Variants in LGALS8 observed in about 807,000 individuals in gnomAD.
LGALS8 encodes the protein galectin 8.
LGALS8 carries 30 observed loss-of-function variants against 35.9 expected under a neutral mutation model. The ratio of observed to expected loss-of-function variants is 0.83; its 90% CI spans 0.62 to 1.13. The LOEUF is 1.13. Ranked by LOEUF, LGALS8 falls within the 50% of genes most tolerant of loss-of-function variation. The pLI is 0.00. For synonymous variants in LGALS8, 138 were observed against 136.1 expected, an observed-to-expected ratio of 1.01 and a Z score of -0.10; for missense variants, 366 against 388.7, an observed-to-expected ratio of 0.94 and a Z score of 0.49.
Position 236,543,703 on chromosome 1 carries a change from C to T in LGALS8, c.638+55C>T. The T allele has an allele frequency of 2.3e-6, 3 of 1,292,646 alleles. 1 individual carries two copies. Among genetic ancestry groups the T allele is most frequent in the Non-Finnish European group, 3.4e-6 (3 of 888,462 alleles). 80.1% of individuals were successfully genotyped at this position (1,292,646 alleles called of 1,614,324 possible). A position where few individuals can be genotyped will look rare whatever the true frequency, so the allele number is the denominator to read the frequency against. On this transcript the variant is annotated intron_variant, in intron 8 of 9. Transcript: ENST00000366584. ...CAGATACTTCCGTGCCTGTTACCGC[C>T]TTCCACCCGTGAACGGTCCTGTGAG...
upstream of LGALS8, among the ~76,000 whole-genome samples, chr1:236,522,544 A>G (rs969765910): frequency 2.6e-5 from 4 of 152,218 alleles, no homozygotes; most frequent in African/African-American, 9.6e-5. Context: ...CCTGTCTCAA[A>G]GTGGCGGGGC....
chr1:236,546,438 CT>C (rs1237000100), intron 9 of LGALS8, among the ~76,000 whole-genome samples: 1 of 152,174 alleles, frequency 6.6e-6, no homozygotes, highest in Non-Finnish European at 1.5e-5. Flanking sequence ...CATTTTAAAT[CT>C]TCTTGCTCTT....
In LGALS8 at chr1:236,549,239, A is replaced by G. The variant is rs927131280; in HGVS notation, c.*1078A>G. The G allele has an allele frequency of 1.4e-5, 5 of 359,210 alleles. No individual in the cohort carries two copies. Among genetic ancestry groups the G allele is most frequent in the Admixed American group, 9.3e-5 (2 of 21,480 alleles). The allele number at this position is 359,210 out of a possible 1,614,324, so 22.3% of individuals were successfully genotyped here. A position where few individuals can be genotyped will look rare whatever the true frequency, so the allele number is the denominator to read the frequency against. On this transcript the variant is annotated 3_prime_UTR_variant, in exon 10 of 10. Coordinates refer to ENST00000366584, the MANE Select transcript of LGALS8 (RefSeq NM_201544.4). ...TCAAAGCACTCTTCCACTTTACGTG[A>G]TTAAAATCAAACCTGTATCAGCAAG...
At chr1:236,544,131 T>C (rs938891851) in intron 8 of LGALS8, among the ~76,000 whole-genome samples, 1 of 152,000 alleles carries the variant, frequency 6.6e-6, no homozygotes, top group African/African-American at 2.4e-5. Flanking sequence ...TTTTGTATTT[T>C]TAGTAGAGAC....
At chr1:236,519,651 A>G (rs1280718043), upstream of LGALS8, among the ~76,000 whole-genome samples, 1 of 152,222 alleles carries the variant, frequency 6.6e-6, no homozygotes, top group Non-Finnish European at 1.5e-5. Flanking sequence ...GATCATTCAC[A>G]TGAGTAAAGT....
chr1:236,547,967 T>TTAAAC lies in LGALS8; in HGVS notation c.805-41_805-37dup, dbSNP rs754904201. On this transcript the variant is annotated intron_variant, in intron 9 of 9. Transcript: ENST00000366584. ...GTTAGCATGTAACAAACACAAAATT[T>TTAAAC]TAAACTAAGGGGAACCACTAATGGC... 4 of 1,562,606 alleles carry TTAAAC rather than the reference T, an allele frequency of 2.6e-6. No individual in the cohort carries two copies. The African/African-American group carries it at 4.1e-5, about 16-fold the overall frequency.
rs769031808 is a variant in LGALS8 at position 236,548,066 on chromosome 1, A to G, written c.859A>G (p.Ser287Gly). The G allele has an allele frequency of 6.2e-7, 1 of 1,613,242 alleles. No homozygotes were observed. The highest frequency in any genetic ancestry group is 1.1e-5 in the South Asian group (1 of 91,064). The change falls in exon 10 of 10, where the codon AGC (serine) becomes GGC (glycine). Residue 287 changes from serine (S) to glycine (G), a missense_variant. Ser to Gly is a moderately conservative substitution (Grantham distance 56). Transcript: ENST00000366584. The part of the protein sequence containing the change: ...EFKVAVNGVH[S>G]LEYKHRFKEL... The stretch of plus-strand genomic sequence containing the variant: ...CAAGGTTGCAGTAAATGGCGTACAC[A>G]GCCTGGAGTACAAACACAGATTTAA...
At chr1:236,543,314 A>G in intron 7 of LGALS8, 1 of 657,774 alleles carries the variant, frequency 1.5e-6, no homozygotes, top group Non-Finnish European at 2.8e-6. Context: ...TTTCACTCAT[A>G]CAGAGGGCAT....
chr1:236,523,919 G>T (rs892819315), upstream of LGALS8: 1 of 358,498 alleles, frequency 2.8e-6, no homozygotes, highest in Non-Finnish European at 5.5e-6. Context: ...ACAGCAGTGA[G>T]GCGCGCGAGC....
intron 7 of LGALS8, 51 bp downstream of exon 7, chr1:236,542,838 A>G: frequency 6.2e-7 from 1 of 1,614,104 alleles, no homozygotes; most frequent in Non-Finnish European, 8.5e-7. Flanking sequence ...ATAAAGTTGC[A>G]TAGAAAATGA....
At chr1:236,523,497 A>C (rs546703114), upstream of LGALS8, 656 of 156,706 alleles carry the variant, frequency 4.2e-3, 8 homozygotes, top group African/African-American at 0.015. Context: ...GACCCCGTGG[A>C]CCTGGGCGCC....
chr1:236,537,006 TG>T (rs1661554710), intron 2 of LGALS8, among the ~76,000 whole-genome samples: 1 of 143,810 alleles, frequency 7.0e-6, no homozygotes, highest in Admixed American at 6.9e-5. Context: ...ATCCTGGCCA[TG>T]AGGTATGCAG....
rs1661669247 is a variant in LGALS8, at chr1:236,537,989, T to C, written c.134+404T>C. ...GCTTGGTGGTGTGCGCCTGTAGTTGTAGCTACTCAGGGGGCTGAGGTAGGA... is the reference window on the plus strand; with the variant it reads ...GCTTGGTGGTGTGCGCCTGTAGTTGCAGCTACTCAGGGGGCTGAGGTAGGA... On this transcript the variant is annotated intron_variant, in intron 3 of 9. Coordinates refer to ENST00000366584, the MANE Select transcript of LGALS8 (RefSeq NM_201544.4). Among the ~76,000 whole-genome samples, 2 of 147,338 alleles carry C rather than the reference T, an allele frequency of 1.4e-5. 1 individual carries two copies. The highest frequency in any genetic ancestry group is 3.0e-5 in the Non-Finnish European group (2 of 66,944).
chr1:236,536,097 G>C (rs1326085591), intron 2 of LGALS8: 1 of 152,250 alleles, frequency 6.6e-6, no homozygotes, highest in African/African-American at 2.4e-5. Flanking sequence ...GCAGCCCAGG[G>C]AGCTTGAAGA....
chr1:236,520,148 G>C (rs146833357), upstream of LGALS8, among the ~76,000 whole-genome samples: 226 of 151,586 alleles, frequency 1.5e-3, no homozygotes, highest in African/African-American at 5.3e-3. Flanking sequence ...GTAGAAACAG[G>C]GTTTCACCAT....
At chr1:236,545,505 G>C (rs1572019817) in intron 9 of LGALS8, among the ~76,000 whole-genome samples, 1 of 152,150 alleles carries the variant, frequency 6.6e-6, no homozygotes, top group South Asian at 2.1e-4. Flanking sequence ...CGGGTGTTTG[G>C]CCAGCCTCAA....
At chr1:236,521,997 A>G (rs1281295195), upstream of LGALS8, among the ~76,000 whole-genome samples, 1 of 152,200 alleles carries the variant, frequency 6.6e-6, no homozygotes, top group Non-Finnish European at 1.5e-5. Flanking sequence ...GTGGGACTCT[A>G]TCTAGAAGGG....
At chr1:236,537,895 T>C (rs2737709) in intron 3 of LGALS8, among the ~76,000 whole-genome samples, 84,090 of 143,174 alleles carry the variant, frequency 0.59, 27,759 homozygotes, top group Non-Finnish European at 0.67. Context: ...GCCAGGAGTT[T>C]GAGACCAGCC....
rs1662270859 is a variant in LGALS8, at chr1:236,544,925, CA to C, written c.804+11del. 3 of 1,588,604 alleles carry C rather than the reference CA, an allele frequency of 1.9e-6. No homozygotes were observed. Among genetic ancestry groups the C allele is most frequent in the South Asian group, 2.3e-5 (2 of 87,274 alleles). On this transcript the variant is annotated intron_variant, in intron 9 of 9. Coordinates refer to ENST00000366584, the MANE Select transcript of LGALS8 (RefSeq NM_201544.4). Reference sequence around the variant, plus strand: ...TGGGATGTACTTTGAGGTGAGGTTACAGTTTTTGAAAATGGGACAGCAATAA... The same window carrying C: ...TGGGATGTACTTTGAGGTGAGGTTACGTTTTTGAAAATGGGACAGCAATAA...
Sources: gnomAD v4.1 joint callset for allele counts (sites outside exome capture counted in the v4.1 genomes callset) on GRCh38, gnomAD v4.1.1 for gene constraint, MANE v1.5 for transcripts, NCBI Gene and HGNC (gene_info 2026-07-23, HGNC 2026-07-21) for gene names.